Variants in PACS1 observed in about 807,000 individuals in gnomAD.
PACS1 encodes PACS-1.
Under a neutral mutation model 115.0 loss-of-function variants are expected in PACS1, and 24 were observed. That is an observed-to-expected ratio of 0.21 (90% confidence interval 0.15 to 0.29). The LOEUF (loss-of-function observed/expected upper bound fraction) is 0.29, where lower values mean the gene tolerates loss of function less well. Among genes scored for constraint, PACS1 ranks in the 10% least tolerant of loss-of-function variants. The pLI is 1.00. For missense variants in PACS1, 838 were observed against 1,251.2 expected, an observed-to-expected ratio of 0.67 and a Z score of 4.98; for synonymous variants, 453 against 504.5, an observed-to-expected ratio of 0.90 and a Z score of 1.37.
chr11:66,208,406 C>A (rs963279435), intron 2 of PACS1, among the ~76,000 whole-genome samples: 2 of 151,772 alleles, frequency 1.3e-5, no homozygotes, highest in South Asian at 4.2e-4. Flanking sequence ...TTACTTGAGC[C>A]GAGGAGTTCA....
At chr11:66,076,410 T>G (rs1857398753) in intron 1 of PACS1, among the ~76,000 whole-genome samples, 1 of 152,176 alleles carries the variant, frequency 6.6e-6, no homozygotes, top group African/African-American at 2.4e-5. Flanking sequence ...TTGGACTTTT[T>G]TTTTTTTTGA....
At chr11:66,102,341 T>G (rs905723368) in intron 1 of PACS1, among the ~76,000 whole-genome samples, 2 of 151,890 alleles carry the variant, frequency 1.3e-5, no homozygotes, top group African/African-American at 4.8e-5. Context: ...TATTTTTTAT[T>G]TTGAGACGGG....
chr11:66,212,612 C>G (rs2134702978), intron 4 of PACS1, among the ~76,000 whole-genome samples: 1 of 151,940 alleles, frequency 6.6e-6, no homozygotes, highest in African/African-American at 2.4e-5. Flanking sequence ...CAGGGTTTTT[C>G]CACCACAAAG....
At chr11:66,220,863 C>A in intron 9 of PACS1, 72 bp downstream of exon 9, 2 of 1,471,370 alleles carry the variant, frequency 1.4e-6, no homozygotes, top group East Asian at 2.4e-5. Flanking sequence ...ACCCCTCCCT[C>A]GCTGTCCCCT....
Position 66,230,927 on chromosome 11 carries a change from G to C in PACS1, c.1613G>C (p.Gly538Ala), listed in dbSNP as rs1855579419. ...GACAGCGAGCGCTCCCCAGATCTGG[G>C]CCACAGCACGCAGGTACTTCTGGGT... ...SSDSERSPDL[G>A]HSTQIPRKVV... The change falls in exon 13 of 24, where the codon GGC becomes GCC. Residue 538 changes from glycine (G) to alanine (A), a missense_variant. By Grantham distance (60) the Gly-to-Ala change is moderately conservative (BLOSUM62 0). This residue lies in a region of PACS1 where 383 missense variants were observed against 537.0 expected (regional missense o/e 0.71). Coordinates refer to ENST00000320580, the MANE Select transcript of PACS1 (RefSeq NM_018026.4). 1.9e-6 allele frequency: 3 copies of C among 1,614,040 alleles called. No homozygotes were observed. Among genetic ancestry groups the C allele is most frequent in the Non-Finnish European group, 2.5e-6 (3 of 1,180,050 alleles).
intron 1 of PACS1, among the ~76,000 whole-genome samples, chr11:66,113,403 ATCTT>A (rs1858230197): frequency 6.6e-6 from 1 of 152,200 alleles, no homozygotes; most frequent in South Asian, 2.1e-4. Context: ...TTGGCAAAAC[ATCTT>A]TCTAATTGCA....
chr11:66,086,430 G>A (rs568263574), intron 1 of PACS1, among the ~76,000 whole-genome samples: 2 of 151,940 alleles, frequency 1.3e-5, no homozygotes, highest in African/African-American at 2.4e-5. Context: ...GAGCCACCGC[G>A]CCCGGCCTGT....
chr11:66,129,582 A>G (rs1054217865), intron 1 of PACS1, among the ~76,000 whole-genome samples: 1 of 151,762 alleles, frequency 6.6e-6, no homozygotes, highest in Non-Finnish European at 1.5e-5. Flanking sequence ...GTGTTGGGAT[A>G]ATGGTGTGAG....
chr11:66,163,611 T>G (rs188978281), intron 1 of PACS1, among the ~76,000 whole-genome samples: 4 of 152,324 alleles, frequency 2.6e-5, no homozygotes, highest in Admixed American at 2.6e-4. Context: ...GGAAGATCTT[T>G]GAATAGGTAG....
intron 1 of PACS1, among the ~76,000 whole-genome samples, chr11:66,149,758 C>CT (rs1215958615): frequency 1.3e-5 from 2 of 151,242 alleles, no homozygotes; most frequent in South Asian, 2.1e-4. Flanking sequence ...CAAAACTGAT[C>CT]TTTTTTTTGA....
At chr11:66,208,936 G>GT (rs992127830) in intron 2 of PACS1, among the ~76,000 whole-genome samples, 1 of 151,806 alleles carries the variant, frequency 6.6e-6, no homozygotes, top group Non-Finnish European at 1.5e-5. Flanking sequence ...ATGTTGTGGG[G>GT]TTTTTTTTAT....
chr11:66,158,365 G>C (rs1218814384), intron 1 of PACS1, among the ~76,000 whole-genome samples: 1 of 152,248 alleles, frequency 6.6e-6, no homozygotes, highest in Non-Finnish European at 1.5e-5. Context: ...ATGTTCTTGA[G>C]AATTGAAAAA....
At chr11:66,141,360 A>C (rs1394916828) in intron 1 of PACS1, among the ~76,000 whole-genome samples, 1 of 152,030 alleles carries the variant, frequency 6.6e-6, no homozygotes, top group Non-Finnish European at 1.5e-5. Flanking sequence ...GGTGCAATGA[A>C]AGCTCATTGT....
At position 66,184,312 on chromosome 11, in the gene PACS1, CAAAAAAAAA is replaced by C. The variant is rs11309195; in HGVS notation, c.357-9156_357-9148del. Among the ~76,000 whole-genome samples the C allele has an allele frequency of 3.7e-4, 21 of 56,056 alleles. No homozygotes were observed. The South Asian group carries it at 0.018, about 49-fold the overall frequency. The allele number at this position is 56,056 out of a possible 152,430, so 36.8% of individuals were successfully genotyped here. A position where few individuals can be genotyped will look rare whatever the true frequency, so the allele number is the denominator to read the frequency against. The stretch of plus-strand genomic sequence containing the variant: ...TGGGTGACAGAGTGAGACCCTGTCT[CAAAAAAAAA>C]AAAAAAAAAAAAAAAAAGAGATGAG... On this transcript the variant is annotated intron_variant, in intron 1 of 23. Coordinates refer to ENST00000320580, the MANE Select transcript of PACS1 (RefSeq NM_018026.4).
intron 1 of PACS1, among the ~76,000 whole-genome samples, chr11:66,163,737 TTTCTC>T (rs1467912409): frequency 1.3e-5 from 2 of 152,296 alleles, no homozygotes; most frequent in African/African-American, 2.4e-5. Flanking sequence ...ATTATTTTGT[TTTCTC>T]TTTCTGAGTG....
chr11:66,132,971 T>C (rs1049226717), intron 1 of PACS1, among the ~76,000 whole-genome samples: 6 of 152,174 alleles, frequency 3.9e-5, no homozygotes, highest in African/African-American at 1.4e-4. Context: ...CCTGGCTTTT[T>C]TCCTAAATAT....
At chr11:66,165,971 T>C (rs905845047) in intron 1 of PACS1, among the ~76,000 whole-genome samples, 1 of 152,150 alleles carries the variant, frequency 6.6e-6, no homozygotes, top group Non-Finnish European at 1.5e-5. Flanking sequence ...TTTTCCTGTT[T>C]CCACTCTCCC....
intron 4 of PACS1, among the ~76,000 whole-genome samples, chr11:66,214,811 G>A (rs772060995): frequency 2.0e-5 from 3 of 151,130 alleles, no homozygotes; most frequent in Admixed American, 6.6e-5. Context: ...TAGTAGAGAC[G>A]GGGTTCCACC....
intron 1 of PACS1, among the ~76,000 whole-genome samples, chr11:66,090,797 ATATAT>A (rs1384655913): frequency 2.0e-5 from 3 of 152,182 alleles, no homozygotes; most frequent in Non-Finnish European, 4.4e-5. Flanking sequence ...AATATAGGTG[ATATAT>A]TATTATAATT....
Sources: gnomAD v4.1 joint callset for allele counts (sites outside exome capture counted in the v4.1 genomes callset) on GRCh38, gnomAD v4.1.1 for gene constraint, gnomAD v4.1.1 regional missense constraint, MANE v1.5 for transcripts, NCBI Gene and HGNC (gene_info 2026-07-23, HGNC 2026-07-21) for gene names.